The following SYT13 variants were observed in gnomAD, a reference collection of about 807,000 sequenced individuals.
SYT13 encodes synaptotagmin-13.
In SYT13, 21 loss-of-function variants were observed where a neutral mutation model predicts 38.6. The ratio of observed to expected loss-of-function variants is 0.54; its 90% CI spans 0.39 to 0.78. The LOEUF is 0.78. Among genes scored for constraint, SYT13 ranks in the 30% least tolerant of loss-of-function variants. The pLI, the probability that SYT13 is intolerant of heterozygous loss-of-function variation, is 0.00. For synonymous variants in SYT13, 241 were observed against 237.6 expected, an observed-to-expected ratio of 1.01 and a Z score of -0.13; for missense variants, 495 against 548.7, an observed-to-expected ratio of 0.90 and a Z score of 0.98.
At position 45,246,496 on chromosome 11, in the gene SYT13, G is replaced by C; in HGVS notation, c.863C>G (p.Ala288Gly). 1 of 1,614,148 alleles carries C rather than the reference G, an allele frequency of 6.2e-7. No individual in the cohort carries two copies. The change falls in exon 5 of 6, where the codon GCT becomes GGT. Residue 288 changes from alanine to glycine, a missense_variant. Coordinates refer to ENST00000020926, the MANE Select transcript of SYT13 (RefSeq NM_020826.3). Reference sequence around the variant, plus strand: ...GCTGATGGATAGTAGGACCTCTCCAGCTCCTGCAGATGGCTCCTGAAACAG... The same window carrying C: ...GCTGATGGATAGTAGGACCTCTCCACCTCCTGCAGATGGCTCCTGAAACAG... Reference protein sequence around the residue: ...KTSAKEPSAGAGEVLLSISYL... With the variant: ...KTSAKEPSAGGGEVLLSISYL...
chr11:45,285,464 C>T (rs1009525580), intron 1 of SYT13, among the ~76,000 whole-genome samples: 2 of 152,106 alleles, frequency 1.3e-5, no homozygotes, highest in Non-Finnish European at 2.9e-5. Context: ...CTCTCTAGAC[C>T]CCGCTAGCTA....
intron 4 of SYT13, among the ~76,000 whole-genome samples, chr11:45,249,430 A>G (rs1351300578): frequency 6.6e-6 from 1 of 152,224 alleles, no homozygotes; most frequent in Admixed American, 6.5e-5. Context: ...AAATCATGCT[A>G]CTATAAAGAC....
chr11:45,261,815 C>T (rs1854820425), intron 1 of SYT13, among the ~76,000 whole-genome samples: 1 of 151,016 alleles, frequency 6.6e-6, no homozygotes, highest in Non-Finnish European at 1.5e-5. Context: ...ACTTGGGAGG[C>T]TGAGGCAGGA....
chr11:45,249,227 G>A (rs1854646566), intron 4 of SYT13, among the ~76,000 whole-genome samples: 1 of 152,180 alleles, frequency 6.6e-6, no homozygotes, highest in Non-Finnish European at 1.5e-5. Context: ...AGTTAGAATG[G>A]CGATCATTAA....
At position 45,252,458 on chromosome 11, in the gene SYT13, C is replaced by G; in HGVS notation, c.809G>C (p.Gly270Ala). Reference sequence around the variant, plus strand: ...CTTCAGCTCGCCCCACTGGGCAGCCCCTAGAGGCACAGATGTCCCGTCCAG... The same window carrying G: ...CTTCAGCTCGCCCCACTGGGCAGCCGCTAGAGGCACAGATGTCCCGTCCAG... ...LGLDGTSVPL[G>A]AAQWGELKTS... Residue 270 changes from glycine (G) to alanine (A), a missense_variant, in exon 4 of 6, where the codon GGG (glycine) becomes GCG (alanine). Coordinates refer to ENST00000020926, the MANE Select transcript of SYT13 (RefSeq NM_020826.3). This position sits in a 1 kb window ranked among gnomAD's most constrained non-coding sequence, Gnocchi z 4.3. 6.2e-7 allele frequency: 1 copy of G among 1,609,058 alleles called. No individual in the cohort carries two copies. The highest frequency in any genetic ancestry group is 8.5e-7 in the Non-Finnish European group (1 of 1,177,322).
At chr11:45,276,065 A>G (rs1315016675) in intron 1 of SYT13, among the ~76,000 whole-genome samples, 2 of 152,300 alleles carry the variant, frequency 1.3e-5, no homozygotes, top group Middle Eastern at 6.8e-3. Flanking sequence ...AAAACTCGCC[A>G]GCTACTGTGG....
rs890155418 is a variant in SYT13 at position 45,240,616 on chromosome 11, T to G, written c.*3436A>C. On this transcript the variant is annotated 3_prime_UTR_variant, in exon 6 of 6. Transcript: ENST00000020926. ...TTGTCATTCAACCCACACAAAAAGT[T>G]GTATCTCAAATCAAAATGGACAGAC... The G allele has an allele frequency of 1.3e-5, 2 of 152,244 alleles. No homozygotes were observed. The highest frequency in any genetic ancestry group is 2.9e-5 in the Non-Finnish European group (2 of 68,038). 9.4% of individuals were successfully genotyped at this position (152,244 alleles called of 1,614,324 possible).
chr11:45,252,816 TAAC>T lies in SYT13; in HGVS notation c.545-97_545-95del. 1 of 1,376,266 alleles carries T rather than the reference TAAC, an allele frequency of 7.3e-7. No individual in the cohort carries two copies. The highest frequency in any genetic ancestry group is 2.5e-5 in the Admixed American group (1 of 39,300). The allele number at this position is 1,376,266 out of a possible 1,614,324, so 85.3% of individuals were successfully genotyped here. On this transcript the variant is annotated intron_variant, in intron 3 of 5. Transcript: ENST00000020926. This position sits in a 1 kb window ranked among gnomAD's most constrained non-coding sequence, Gnocchi z 4.3. ...TTGCTTAGGGCTGTGGAATCCAGCT[TAAC>T]GACGTGACCTTGGGTGTCAGAAAGG...
chr11:45,275,393 T>C (rs1041589220), intron 1 of SYT13, among the ~76,000 whole-genome samples: 1 of 152,184 alleles, frequency 6.6e-6, no homozygotes, highest in African/African-American at 2.4e-5. Flanking sequence ...CTTGTTTTCA[T>C]TCATATTCAT....
intron 1 of SYT13, among the ~76,000 whole-genome samples, chr11:45,275,669 C>T (rs1025029099): frequency 2.0e-5 from 3 of 152,282 alleles, no homozygotes; most frequent in African/African-American, 7.2e-5. Flanking sequence ...TGAACTCCTC[C>T]TGAAGGTTCA....
Position 45,253,931 on chromosome 11 carries a change from A to G in SYT13, c.544+339T>C, listed in dbSNP as rs187098984. 1.3e-3 allele frequency: 238 copies of G among 177,026 alleles called. 1 individual carries two copies. Among genetic ancestry groups the G allele is most frequent in the Non-Finnish European group, 6.8e-4 (58 of 85,222 alleles). The allele number at this position is 177,026 out of a possible 1,614,324, so 11.0% of individuals were successfully genotyped here. ...AGGTAAAGGCTGTTAAGGAATGATT[A>G]CGCCCTCTCCTTCTCTTTCTCCTTC... On this transcript the variant is annotated intron_variant, in intron 3 of 5. Coordinates refer to ENST00000020926, the MANE Select transcript of SYT13 (RefSeq NM_020826.3).
rs1854583534 is a variant in SYT13 at position 45,244,000 on chromosome 11, T to C, written c.*52A>G. 46 of 1,517,810 alleles carry C rather than the reference T, an allele frequency of 3.0e-5. 1 individual carries two copies. In the South Asian group the frequency reaches 5.7e-4, roughly 19 times the overall value. 94.0% of individuals were successfully genotyped at this position (1,517,810 alleles called of 1,614,324 possible). ...TGAGGAAAGGGGCACAGAAAGGAGG[T>C]TGCAGAGGACGGGTCAGGGCTGTCC... is the stretch of plus-strand genomic sequence containing the variant. On this transcript the variant is annotated 3_prime_UTR_variant, in exon 6 of 6. Coordinates refer to ENST00000020926, the MANE Select transcript of SYT13 (RefSeq NM_020826.3).
chr11:45,266,167 G>T (rs1466215594), intron 1 of SYT13, among the ~76,000 whole-genome samples: 1 of 152,264 alleles, frequency 6.6e-6, no homozygotes, highest in South Asian at 2.1e-4. Context: ...AGTTTGCTGA[G>T]TGATTCCTGC....
At chr11:45,244,897 T>A (rs760131172) in intron 5 of SYT13, among the ~76,000 whole-genome samples, 1 of 152,188 alleles carries the variant, frequency 6.6e-6, no homozygotes, top group Non-Finnish European at 1.5e-5. Flanking sequence ...TGACTTCATA[T>A]CCTCACATCA....
chr11:45,244,229 C>T lies in SYT13; in HGVS notation c.1104G>A (p.Leu368=). The change falls in exon 6 of 6, where the codon CTG becomes CTA. Residue 368 remains leucine (L), a synonymous_variant. Coordinates refer to ENST00000020926, the MANE Select transcript of SYT13 (RefSeq NM_020826.3). ...EMIMFELPDD[L]LQASSVELEV... is the part of the protein sequence containing the mutation. ...CCAGCTCCACACTGGAGGCCTGCAGCAGGTCGTCAGGCAGCTCAAACATGA... is the reference window on the plus strand; with the variant it reads ...CCAGCTCCACACTGGAGGCCTGCAGTAGGTCGTCAGGCAGCTCAAACATGA... The T allele has an allele frequency of 6.2e-7, 1 of 1,614,060 alleles. No individual in the cohort carries two copies. The highest frequency in any genetic ancestry group is 1.1e-5 in the South Asian group (1 of 91,072).
In SYT13 at chr11:45,269,571, A is replaced by G. The variant is rs973248977; in HGVS notation, c.184-13680T>C. 1.2e-5 allele frequency: 10 copies of G among 847,412 alleles called. No individual in the cohort carries two copies. In the African/African-American group the frequency reaches 1.6e-4, roughly 14 times the overall value. 52.5% of individuals were successfully genotyped at this position (847,412 alleles called of 1,614,324 possible). A position where few individuals can be genotyped will look rare whatever the true frequency, so the allele number is the denominator to read the frequency against. On this transcript the variant is annotated intron_variant, in intron 1 of 5. Transcript: ENST00000020926. The stretch of plus-strand genomic sequence containing the variant: ...TCACGCAACTATAGATAAGTGCCTA[A>G]TATTTTCTCTATTCTATATACCCTA...
At chr11:45,284,227 G>GT (rs1468373412) in intron 1 of SYT13, among the ~76,000 whole-genome samples, 7 of 152,210 alleles carry the variant, frequency 4.6e-5, no homozygotes, top group African/African-American at 1.4e-4. Context: ...AGGTGAGTGG[G>GT]TGGAGAGGAG....
intron 1 of SYT13, among the ~76,000 whole-genome samples, chr11:45,283,987 G>A (rs1855105658): frequency 6.6e-6 from 1 of 152,226 alleles, no homozygotes; most frequent in Non-Finnish European, 1.5e-5. Flanking sequence ...GGAAGAGGGT[G>A]TTTTGTTTTA....
In SYT13 at chr11:45,285,392, T is replaced by C. The variant is rs1050630551; in HGVS notation, c.183+633A>G. Among the ~76,000 whole-genome samples the C allele has an allele frequency of 6.6e-5, 10 of 152,320 alleles. 1 individual carries two copies. The highest frequency in any genetic ancestry group is 2.4e-4 in the African/African-American group (10 of 41,582). On this transcript the variant is annotated intron_variant, in intron 1 of 5. Transcript: ENST00000020926. ...GGAGGCCATACCAACCCCCTCTGAC[T>C]GGCTGGAGCTCAGAGCTGCTAGGGG...
Sources: allele counts gnomAD v4.1 joint callset (sites outside exome capture counted in the v4.1 genomes callset), GRCh38; gene constraint gnomAD v4.1.1; non-coding constraint Gnocchi (gnomAD v3.1); transcripts MANE v1.5; gene names NCBI Gene and HGNC (gene_info 2026-07-23, HGNC 2026-07-21).